Variants in CREB3L2 observed in about 807,000 individuals in gnomAD.
CREB3L2 encodes cAMP responsive element binding protein 3 like 2.
Under a neutral mutation model 57.2 loss-of-function variants are expected in CREB3L2, and 23 were observed. The ratio of observed to expected loss-of-function variants is 0.40; its 90% CI spans 0.29 to 0.57. The LOEUF (loss-of-function observed/expected upper bound fraction) is 0.57. Ranked by LOEUF, CREB3L2 falls within the 20% of genes least tolerant of loss-of-function variation. The probability of loss-of-function intolerance (pLI) is 0.42; values close to 1 mark genes in which losing one functional copy is unlikely to be tolerated. For missense variants in CREB3L2, 628 were observed against 634.7 expected (o/e 0.99, Z 0.11); for synonymous variants, 268 against 265.1 (o/e 1.01, Z -0.11).
chr7:137,975,599 T>C (rs896953139), intron 1 of CREB3L2, among the ~76,000 whole-genome samples: 18 of 152,128 alleles, frequency 1.2e-4, no homozygotes, highest in African/African-American at 4.3e-4. Flanking sequence ...GACCCATGAC[T>C]GCATGGGAAG....
Position 137,986,140 on chromosome 7 carries a change from G to A in CREB3L2, c.102+15464C>T, listed in dbSNP as rs543443868. ...CAGTCTCAGAAAGGTGCTCACAGTA[G>A]GGAGAGCCAGAACCAGATTGTAAGC... On this transcript the variant is annotated intron_variant, in intron 1 of 11. Coordinates refer to ENST00000330387, the MANE Select transcript of CREB3L2 (RefSeq NM_194071.4). Among the ~76,000 whole-genome samples the A allele has an allele frequency of 2.0e-5, 3 of 152,338 alleles. No individual in the cohort carries two copies. In the East Asian group the frequency reaches 5.8e-4, roughly 29 times the overall value.
rs929495456 is a variant in CREB3L2, at chr7:137,953,450, T to C, written c.103-25084A>G. 6 of 1,287,830 alleles carry C rather than the reference T, an allele frequency of 4.7e-6. No individual in the cohort carries two copies. In the African/African-American group the frequency reaches 9.1e-5, roughly 20 times the overall value. The allele number at this position is 1,287,830 out of a possible 1,614,324, so 79.8% of individuals were successfully genotyped here. ...TGGATAAATAACAGTATCTGAGACC[T>C]GCTGTTGGTGTATGTTAAATGTTCT... On this transcript the variant is annotated intron_variant, in intron 1 of 11. Coordinates refer to ENST00000330387, the MANE Select transcript of CREB3L2 (RefSeq NM_194071.4).
rs149450359 is a variant in CREB3L2, at chr7:137,882,603, G to A, written c.1296C>T (p.Tyr432=). The A allele has an allele frequency of 1.2e-5, 19 of 1,607,538 alleles. No individual in the cohort carries two copies. Among genetic ancestry groups the A allele is most frequent in the African/African-American group, 8.0e-5 (6 of 74,770 alleles). Residue 432 remains tyrosine, a synonymous_variant, in exon 11 of 12, where the codon TAC becomes TAT. Transcript: ENST00000330387. ...SVVRSRNLLI[Y]EEHSPPEESS... Reference sequence around the variant, plus strand: ...ACTCCTCTGGGGGAGAATGTTCCTCGTAGATCAGCAGGTTTCTGGATCTCA... The same window carrying A: ...ACTCCTCTGGGGGAGAATGTTCCTCATAGATCAGCAGGTTTCTGGATCTCA...
Position 137,921,629 on chromosome 7 carries a change from C to A in CREB3L2, c.320-5617G>T, listed in dbSNP as rs565220569. 1.2e-4 allele frequency among the ~76,000 whole-genome samples: 19 copies of A among 152,144 alleles called. No homozygotes were observed. In the South Asian group the frequency reaches 3.5e-3, roughly 28 times the overall value. ...CTGATTGCTAAGAAAGAAAAAAAAA[C>A]CCTAAATTGGGAGTTGGCATTATCT... On this transcript the variant is annotated intron_variant, in intron 2 of 11. Transcript: ENST00000330387.
intron 1 of CREB3L2, among the ~76,000 whole-genome samples, chr7:137,953,823 T>C (rs965313020): frequency 6.6e-6 from 1 of 152,180 alleles, no homozygotes; most frequent in African/African-American, 2.4e-5. Flanking sequence ...AAAGGGGCAC[T>C]TAAAACAGAC....
intron 1 of CREB3L2, among the ~76,000 whole-genome samples, chr7:137,928,859 C>A (rs1316081484): frequency 6.6e-6 from 1 of 152,176 alleles, no homozygotes; most frequent in African/African-American, 2.4e-5. Context: ...GGCGGGAAAA[C>A]AGACTCCACT....
chr7:137,879,583 C>A lies in CREB3L2; in HGVS notation c.*893G>T. On this transcript the variant is annotated 3_prime_UTR_variant, in exon 12 of 12. Transcript: ENST00000330387. ...TAATTATTCCAGTTAAAAGAAAAAA[C>A]AAAGGAAAGGAAACAAAACATTGTC... 1 of 245,952 alleles carries A rather than the reference C, an allele frequency of 4.1e-6. No individual in the cohort carries two copies. The highest frequency in any genetic ancestry group is 7.9e-6 in the Non-Finnish European group (1 of 126,172). 15.2% of individuals were successfully genotyped at this position (245,952 alleles called of 1,614,324 possible).
At chr7:137,914,538 A>G (rs551202013) in intron 3 of CREB3L2, among the ~76,000 whole-genome samples, 1 of 152,208 alleles carries the variant, frequency 6.6e-6, no homozygotes, top group African/African-American at 2.4e-5. Flanking sequence ...AGGCTGAGGC[A>G]CAAGAATCAC....
At chr7:137,908,496 T>C in intron 4 of CREB3L2, 60 bp from the exon 5 acceptor site, 1 of 1,207,350 alleles carries the variant, frequency 8.3e-7, no homozygotes, top group Admixed American at 4.2e-5. Flanking sequence ...CACAACTGAT[T>C]TGTGGCATAG....
chr7:137,884,363 C>T (rs1237261452), intron 10 of CREB3L2: 1 of 153,746 alleles, frequency 6.5e-6, no homozygotes, highest in Non-Finnish European at 1.4e-5. Flanking sequence ...TCTCCTGCCT[C>T]AGCCTCCCCA....
intron 1 of CREB3L2, among the ~76,000 whole-genome samples, chr7:137,940,394 A>C (rs1457090307): frequency 1.3e-5 from 2 of 152,240 alleles, no homozygotes; most frequent in Non-Finnish European, 2.9e-5. Flanking sequence ...TCATTCCAGA[A>C]AAATTTTGGA....
chr7:137,883,556 AG>A (rs1470313756), intron 10 of CREB3L2, among the ~76,000 whole-genome samples: 3 of 152,212 alleles, frequency 2.0e-5, no homozygotes, highest in African/African-American at 7.2e-5. Context: ...AGTTTGATTT[AG>A]AAATTAGGCC....
intron 10 of CREB3L2, among the ~76,000 whole-genome samples, chr7:137,883,793 G>T (rs547483847): frequency 1.8e-4 from 28 of 152,288 alleles, no homozygotes; most frequent in African/African-American, 6.7e-4. Flanking sequence ...ACAGGTAACT[G>T]AAAGCTTAGA....
intron 1 of CREB3L2, chr7:137,953,389 C>T (rs1425700795): frequency 6.0e-6 from 6 of 994,020 alleles, no homozygotes; most frequent in South Asian, 4.0e-5. Flanking sequence ...AACTTCTCTG[C>T]ACCCACTCCA....
rs550786032 is a variant in CREB3L2 at position 137,946,719 on chromosome 7, A to T, written c.103-18353T>A. ...TGTCCATACATTTTTATATATAGTT[A>T]TATATATATAGTTTTATATATAGTT... On this transcript the variant is annotated intron_variant, in intron 1 of 11. Transcript: ENST00000330387. Among the ~76,000 whole-genome samples the T allele has an allele frequency of 1.4e-3, 206 of 144,676 alleles. 2 individuals are homozygous for T. Among genetic ancestry groups the T allele is most frequent in the African/African-American group, 5.2e-3 (204 of 39,062 alleles). 94.9% of individuals were successfully genotyped at this position (144,676 alleles called of 152,430 possible). A position where few individuals can be genotyped will look rare whatever the true frequency, so the allele number is the denominator to read the frequency against.
At chr7:137,912,929 C>A in intron 4 of CREB3L2, 62 bp downstream of exon 4, 1 of 1,601,136 alleles carries the variant, frequency 6.2e-7, no homozygotes, top group Non-Finnish European at 8.5e-7. Flanking sequence ...CGCCATATTC[C>A]CTCTCTGTAG....
At chr7:137,922,414 ATGTATATATATATATATATATACG>A (rs1199140037) in intron 2 of CREB3L2, among the ~76,000 whole-genome samples, 12 of 29,946 alleles carry the variant, frequency 4.0e-4, no homozygotes, top group East Asian at 5.4e-3. Flanking sequence ...ATATATATAT[ATGTATATATATATATATATATACG>A]TATATATATA....
chr7:137,878,739 C>G lies in CREB3L2; in HGVS notation c.*1737G>C, dbSNP rs1799213495. The stretch of plus-strand genomic sequence containing the variant: ...TCCAGCATAGCAGAGAGAGGGGAAT[C>G]ACTCACAGGGAGCCCCAAATGGGCC... On this transcript the variant is annotated 3_prime_UTR_variant, in exon 12 of 12. Coordinates refer to ENST00000330387, the MANE Select transcript of CREB3L2 (RefSeq NM_194071.4). 1 of 234,990 alleles carries G rather than the reference C, an allele frequency of 4.3e-6. No homozygotes were observed. The highest frequency in any genetic ancestry group is 5.6e-5 in the Admixed American group (1 of 17,960). 14.6% of individuals were successfully genotyped at this position (234,990 alleles called of 1,614,324 possible). A position where few individuals can be genotyped will look rare whatever the true frequency, so the allele number is the denominator to read the frequency against.
At position 137,946,856 on chromosome 7, in the gene CREB3L2, CTATATAGTTATA is replaced by C. The variant is rs1332235279; in HGVS notation, c.103-18502_103-18491del. 6.9e-3 allele frequency among the ~76,000 whole-genome samples: 220 copies of C among 31,884 alleles called. 29 individuals carry two copies. Among genetic ancestry groups the C allele is most frequent in the South Asian group, 0.023 (23 of 1,020 alleles). The allele number at this position is 31,884 out of a possible 152,430, so 20.9% of individuals were successfully genotyped here. ...TATATATAGTTATCTATATAGTTAT[CTATATAGTTATA>C]TATATAGTTATCTATATAGTTATAT... On this transcript the variant is annotated intron_variant, in intron 1 of 11. Coordinates refer to ENST00000330387, the MANE Select transcript of CREB3L2 (RefSeq NM_194071.4).
Sources: allele counts gnomAD v4.1 joint callset (sites outside exome capture counted in the v4.1 genomes callset), GRCh38; gene constraint gnomAD v4.1.1; transcripts MANE v1.5; gene names NCBI Gene and HGNC (gene_info 2026-07-23, HGNC 2026-07-21).